Variants in TXNRD1 observed in about 807,000 individuals in gnomAD.
TXNRD1 encodes the protein thioredoxin reductase 1, cytoplasmic.
TXNRD1 carries 57 observed loss-of-function variants against 80.3 expected under a neutral mutation model. That is an observed-to-expected ratio of 0.71 (90% confidence interval 0.57 to 0.89). TXNRD1 has a LOEUF of 0.89. Among genes scored for constraint, TXNRD1 ranks in the 40% least tolerant of loss-of-function variants. The probability of loss-of-function intolerance (pLI) is 0.00; values close to 1 mark genes in which losing one functional copy is unlikely to be tolerated. For missense variants in TXNRD1, 730 were observed against 803.0 expected (o/e 0.91, Z 1.10); for synonymous variants, 291 against 285.2 (o/e 1.02, Z -0.20).
chr12:104,326,980 G>A (rs1593850245), intron 12 of TXNRD1, among the ~76,000 whole-genome samples: 3 of 151,650 alleles, frequency 2.0e-5, no homozygotes, highest in African/African-American at 2.4e-5. Context: ...GATTACAGGC[G>A]CCTGCCATCA....
intron 5 of TXNRD1, among the ~76,000 whole-genome samples, chr12:104,312,674 C>A (rs1023536436): frequency 1.3e-5 from 2 of 152,134 alleles, no homozygotes; most frequent in Non-Finnish European, 2.9e-5. Context: ...TTGTTTCCCT[C>A]CCTAAAAATA....
At chr12:104,230,782 A>G (rs2032604396) in intron 1 of TXNRD1, among the ~76,000 whole-genome samples, 1 of 152,194 alleles carries the variant, frequency 6.6e-6, no homozygotes, top group Non-Finnish European at 1.5e-5. Flanking sequence ...GTGGCTACTT[A>G]TATGAGGAGG....
At chr12:104,255,121 A>T (rs1471878462) in intron 2 of TXNRD1, among the ~76,000 whole-genome samples, 5 of 152,146 alleles carry the variant, frequency 3.3e-5, no homozygotes, top group East Asian at 1.9e-4. Context: ...ATAAATAAAA[A>T]AAATAAAAAT....
rs868756899 is a variant in TXNRD1, at chr12:104,268,365, A to C, written c.304+10286A>C. ...TCTCTACTAAAAATACAAAAAAAAA[A>C]CCCACCCATATTAGCCGGGCATGGT... On this transcript the variant is annotated intron_variant, in intron 3 of 16. Coordinates refer to ENST00000525566, the MANE Select transcript of TXNRD1 (RefSeq NM_001093771.3). 2.0e-3 allele frequency among the ~76,000 whole-genome samples: 297 copies of C among 148,756 alleles called. 2 individuals carry two copies. Among genetic ancestry groups the C allele is most frequent in the African/African-American group, 5.9e-3 (238 of 40,598 alleles).
chr12:104,341,412 T>C (rs569259985), intron 16 of TXNRD1, among the ~76,000 whole-genome samples: 1 of 152,198 alleles, frequency 6.6e-6, no homozygotes, highest in East Asian at 1.9e-4. Flanking sequence ...CAGCAGGGAT[T>C]TGAGATAAGC....
At chr12:104,313,433 C>A in intron 6 of TXNRD1, 116 bp downstream of exon 6, 1 of 735,760 alleles carries the variant, frequency 1.4e-6, no homozygotes, top group Non-Finnish European at 2.2e-6. Context: ...AAAGAAAAAA[C>A]AGCCCCAAAA....
intron 1 of TXNRD1, among the ~76,000 whole-genome samples, chr12:104,241,937 ATT>A (rs747774973): frequency 4.0e-3 from 388 of 96,042 alleles, no homozygotes; most frequent in Middle Eastern, 0.027. Context: ...TATACTAATG[ATT>A]TTTTTTTTTT....
chr12:104,267,695 TTC>T (rs1255875760), intron 3 of TXNRD1, among the ~76,000 whole-genome samples: 2 of 34,538 alleles, frequency 5.8e-5, no homozygotes, highest in African/African-American at 8.3e-5. Context: ...CTTTCTTTCT[TTC>T]TTTCTCTCTT....
rs558698572 is a variant in TXNRD1 at position 104,272,066 on chromosome 12, C to A, written c.304+13987C>A. Reference sequence around the variant, plus strand: ...CCTGTAATCCCAGCTACTCTGGAGGCTGATGTTATAAGTAAAGTTTCGGTG... The same window carrying A: ...CCTGTAATCCCAGCTACTCTGGAGGATGATGTTATAAGTAAAGTTTCGGTG... On this transcript the variant is annotated intron_variant, in intron 3 of 16. Transcript: ENST00000525566. Among the ~76,000 whole-genome samples, 32 of 152,190 alleles carry A rather than the reference C, an allele frequency of 2.1e-4. No individual in the cohort carries two copies. In the South Asian group the frequency reaches 6.6e-3, roughly 32 times the overall value.
At chr12:104,294,670 CCA>C (rs1265439577) in intron 4 of TXNRD1, among the ~76,000 whole-genome samples, 6 of 152,124 alleles carry the variant, frequency 3.9e-5, no homozygotes, top group African/African-American at 1.4e-4. Context: ...GGCTTGCCAC[CCA>C]CAGTCCAGGC....
chr12:104,305,916 T>TC (rs1038497531), intron 4 of TXNRD1, among the ~76,000 whole-genome samples: 1 of 152,120 alleles, frequency 6.6e-6, no homozygotes, highest in African/African-American at 2.4e-5. Context: ...TCTTTTTTTT[T>TC]CCCCCTCGAG....
At chr12:104,269,223 A>G (rs924648619) in intron 3 of TXNRD1, among the ~76,000 whole-genome samples, 4 of 152,042 alleles carry the variant, frequency 2.6e-5, no homozygotes, top group African/African-American at 9.7e-5. Context: ...CATTTCAACA[A>G]TGTTCACAGC....
At chr12:104,319,192 A>G (rs2035441455) in intron 8 of TXNRD1, 137 bp downstream of exon 8, 3 of 1,129,100 alleles carry the variant, frequency 2.7e-6, no homozygotes, top group Admixed American at 5.9e-5. Context: ...TGATTTTGCT[A>G]TCATATCATC....
chr12:104,294,238 C>CG lies in TXNRD1; in HGVS notation c.414+5198_414+5199insG, dbSNP rs1565882924. 6.0e-4 allele frequency among the ~76,000 whole-genome samples: 74 copies of CG among 122,366 alleles called. 21 individuals carry two copies. The highest frequency in any genetic ancestry group is 2.0e-3 in the African/African-American group (65 of 32,914). The allele number at this position is 122,366 out of a possible 152,430, so 80.3% of individuals were successfully genotyped here. A position where few individuals can be genotyped will look rare whatever the true frequency, so the allele number is the denominator to read the frequency against. ...CTAAACTCCCCCGGGGAAAGGCCCC[C>CG]CCCCCCGCCGCCGGCTTTCCCGGTC... On this transcript the variant is annotated intron_variant, in intron 4 of 16. Transcript: ENST00000525566.
intron 3 of TXNRD1, among the ~76,000 whole-genome samples, chr12:104,271,183 C>CTTTTT (rs1165430972): frequency 3.5e-4 from 45 of 127,316 alleles, no homozygotes; most frequent in East Asian, 9.3e-4. Flanking sequence ...TTAGTTCTTT[C>CTTTTT]TTTTTTTTTT....
intron 4 of TXNRD1, chr12:104,309,731 T>G (rs1026398095): frequency 1.3e-6 from 2 of 1,483,578 alleles, no homozygotes; most frequent in African/African-American, 2.8e-5. Context: ...CGAATGGCTA[T>G]TATTACCAAA....
intron 1 of TXNRD1, among the ~76,000 whole-genome samples, chr12:104,245,564 G>A (rs1435668995): frequency 7.5e-6 from 1 of 133,212 alleles, no homozygotes; most frequent in South Asian, 2.5e-4. Context: ...TAAAAGGTAT[G>A]GCCATCTCAG....
chr12:104,242,907 C>A (rs958567171), intron 1 of TXNRD1, among the ~76,000 whole-genome samples: 1 of 152,164 alleles, frequency 6.6e-6, no homozygotes, highest in South Asian at 2.1e-4. Context: ...CTCAGGCTCA[C>A]GCAGCCACTG....
Position 104,328,758 on chromosome 12 carries a change from CAAAAAAAAAAAAA to C in TXNRD1, c.1542+1096_1542+1108del, listed in dbSNP as rs33918583. Among the ~76,000 whole-genome samples the C allele has an allele frequency of 3.2e-5, 3 of 92,798 alleles. No homozygotes were observed. In the Admixed American group the frequency reaches 3.7e-4, roughly 12 times the overall value. The allele number at this position is 92,798 out of a possible 152,430, so 60.9% of individuals were successfully genotyped here. A position where few individuals can be genotyped will look rare whatever the true frequency, so the allele number is the denominator to read the frequency against. On this transcript the variant is annotated intron_variant, in intron 13 of 16. Coordinates refer to ENST00000525566, the MANE Select transcript of TXNRD1 (RefSeq NM_001093771.3). ...TGGGTGACAGAGTGAGACTCTGCCTCAAAAAAAAAAAAAAAAAAAAAGGAAAATATCTGTTTTA... is the reference window on the plus strand; with the variant it reads ...TGGGTGACAGAGTGAGACTCTGCCTCAAAAAAAAGGAAAATATCTGTTTTA...
Sources: gnomAD v4.1 joint callset for allele counts (sites outside exome capture counted in the v4.1 genomes callset) on GRCh38, gnomAD v4.1.1 for gene constraint, MANE v1.5 for transcripts, NCBI Gene and HGNC (gene_info 2026-07-23, HGNC 2026-07-21) for gene names.